The following PRKD1 variants were observed in gnomAD, a reference collection of about 807,000 sequenced individuals.
PRKD1 encodes the protein serine/threonine-protein kinase D1.
A neutral mutation model predicts 95.9 loss-of-function variants in PRKD1; 63 were observed. The ratio of observed to expected loss-of-function variants is 0.66; its 90% CI spans 0.54 to 0.81. The LOEUF is 0.81. Among genes scored for constraint, PRKD1 ranks in the 30% least tolerant of loss-of-function variants. PRKD1 has a pLI of 0.00. For missense variants in PRKD1, 1,048 were observed against 1,165.3 expected, an observed-to-expected ratio of 0.90 and a Z score of 1.47; for synonymous variants, 425 against 423.1, an observed-to-expected ratio of 1.00 and a Z score of -0.05.
intron 4 of PRKD1, among the ~76,000 whole-genome samples, chr14:29,643,308 T>C (rs2139152268): frequency 6.6e-6 from 1 of 152,272 alleles, no homozygotes; most frequent in African/African-American, 2.4e-5. Context: ...GGAGATAATA[T>C]GAGAACGTAA....
chr14:29,877,848 G>C (rs1479652161), intron 1 of PRKD1, among the ~76,000 whole-genome samples: 1 of 152,192 alleles, frequency 6.6e-6, no homozygotes, highest in African/African-American at 2.4e-5. Flanking sequence ...ACACATGCAA[G>C]TGAATGTTCA....
chr14:29,685,504 G>A (rs1278755083), intron 2 of PRKD1, among the ~76,000 whole-genome samples: 1 of 152,142 alleles, frequency 6.6e-6, no homozygotes, highest in Non-Finnish European at 1.5e-5. Flanking sequence ...AGGATAAGAG[G>A]AGCATATTAT....
intron 13 of PRKD1, among the ~76,000 whole-genome samples, chr14:29,620,625 G>C (rs1879184058): frequency 6.6e-6 from 1 of 150,962 alleles, no homozygotes; most frequent in South Asian, 2.1e-4. Flanking sequence ...ACCACAATGA[G>C]ATACCATCTC....
intron 4 of PRKD1, among the ~76,000 whole-genome samples, chr14:29,656,014 C>T (rs527523968): frequency 1.8e-4 from 27 of 151,946 alleles, no homozygotes; most frequent in Admixed American, 5.2e-4. Flanking sequence ...AGGCAGTATA[C>T]TGGGATGGTG....
intron 4 of PRKD1, among the ~76,000 whole-genome samples, chr14:29,642,804 T>C (rs1325614458): frequency 2.0e-5 from 3 of 152,180 alleles, no homozygotes; most frequent in African/African-American, 4.8e-5. Flanking sequence ...TTGAAGGTTT[T>C]ACTGGGTTTA....
At chr14:29,778,366 T>C (rs1041611639) in intron 1 of PRKD1, among the ~76,000 whole-genome samples, 7 of 151,624 alleles carry the variant, frequency 4.6e-5, no homozygotes, top group African/African-American at 1.2e-4. Context: ...TTTGAAAAGA[T>C]CAAAAAAAAT....
At chr14:29,667,067 G>T (rs771708406) in intron 2 of PRKD1, among the ~76,000 whole-genome samples, 1 of 152,192 alleles carries the variant, frequency 6.6e-6, no homozygotes, top group Non-Finnish European at 1.5e-5. Flanking sequence ...ACAGCGGAAA[G>T]ATGAGCTTTT....
chr14:29,809,848 A>G, intron 1 of PRKD1, among the ~76,000 whole-genome samples: 1 of 152,068 alleles, frequency 6.6e-6, no homozygotes, highest in Non-Finnish European at 1.5e-5. Flanking sequence ...TTTCCTTGGC[A>G]CTCACAATTT....
chr14:29,763,409 G>A (rs1888105189), intron 1 of PRKD1, among the ~76,000 whole-genome samples: 1 of 108,528 alleles, frequency 9.2e-6, no homozygotes, highest in African/African-American at 3.5e-5. Flanking sequence ...AGGGAGGGAG[G>A]GAGAAGGGAG....
intron 6 of PRKD1, chr14:29,638,224 T>TA (rs1208560705): frequency 2.1e-6 from 1 of 470,892 alleles, no homozygotes; most frequent in African/African-American, 2.0e-5. Context: ...TATAAGATAA[T>TA]AAAACTGGGA....
Position 29,893,013 on chromosome 14 carries a change from T to C in PRKD1, c.264+34236A>G, listed in dbSNP as rs147464640. Among the ~76,000 whole-genome samples the C allele has an allele frequency of 8.8e-4, 134 of 152,324 alleles. 1 individual carries two copies. Among genetic ancestry groups the C allele is most frequent in the African/African-American group, 3.0e-3 (125 of 41,578 alleles). ...AATTTGAAACCCTTAGAATGCCAAA[T>C]GCATTTCAATAACATATCTATTGAC... On this transcript the variant is annotated intron_variant, in intron 1 of 17. Coordinates refer to ENST00000331968, the MANE Select transcript of PRKD1 (RefSeq NM_002742.3).
At chr14:29,792,971 T>C (rs1889613484) in intron 1 of PRKD1, among the ~76,000 whole-genome samples, 1 of 151,968 alleles carries the variant, frequency 6.6e-6, no homozygotes, top group Non-Finnish European at 1.5e-5. Flanking sequence ...AAAGCATACA[T>C]GGAAATGTAA....
At chr14:29,827,165 T>A (rs1269747145) in intron 1 of PRKD1, among the ~76,000 whole-genome samples, 1 of 151,648 alleles carries the variant, frequency 6.6e-6, no homozygotes, top group Non-Finnish European at 1.5e-5. Flanking sequence ...AATTTCATAG[T>A]TCATCACTAA....
At chr14:29,723,676 T>TGC in intron 2 of PRKD1, among the ~76,000 whole-genome samples, 1 of 150,992 alleles carries the variant, frequency 6.6e-6, no homozygotes, top group East Asian at 2.0e-4. Flanking sequence ...TGTGCGTGTG[T>TGC]GTGTGTGTGT....
intron 1 of PRKD1, among the ~76,000 whole-genome samples, chr14:29,895,016 T>G (rs1894071874): frequency 6.6e-6 from 1 of 152,096 alleles, no homozygotes; most frequent in Non-Finnish European, 1.5e-5. Context: ...AACTGGATAC[T>G]CTCTAGCTCA....
chr14:29,916,882 G>A (rs192867764), intron 1 of PRKD1, among the ~76,000 whole-genome samples: 32 of 152,168 alleles, frequency 2.1e-4, no homozygotes, highest in African/African-American at 7.0e-4. Flanking sequence ...TCTGCCAAAT[G>A]CTCCCTTAAG....
At chr14:29,649,894 G>C (rs1881380570) in intron 4 of PRKD1, among the ~76,000 whole-genome samples, 1 of 152,084 alleles carries the variant, frequency 6.6e-6, no homozygotes, top group Non-Finnish European at 1.5e-5. Flanking sequence ...AGACCTGGTT[G>C]GCCTTACGCT....
At chr14:29,699,361 G>T (rs67405497) in intron 2 of PRKD1, among the ~76,000 whole-genome samples, 5,004 of 152,208 alleles carry the variant, frequency 0.033, 159 homozygotes, top group African/African-American at 0.079. Context: ...CTGTCTGCTA[G>T]GTGAAAGATT....
At chr14:29,812,454 T>C (rs1360953645) in intron 1 of PRKD1, among the ~76,000 whole-genome samples, 1 of 152,208 alleles carries the variant, frequency 6.6e-6, no homozygotes, top group Non-Finnish European at 1.5e-5. Context: ...CGTTCAGTTA[T>C]CGTATTAGTT....
Sources: gnomAD v4.1 joint callset for allele counts (sites outside exome capture counted in the v4.1 genomes callset) on GRCh38, gnomAD v4.1.1 for gene constraint, MANE v1.5 for transcripts, NCBI Gene and HGNC (gene_info 2026-07-23, HGNC 2026-07-21) for gene names.